Variants in HYDIN observed in about 807,000 individuals in gnomAD.
The protein encoded by HYDIN is HYDIN axonemal central pair apparatus protein, also known as axonemal central pair apparatus protein HYDIN.
In HYDIN, 132 loss-of-function variants were observed where a neutral mutation model predicts 403.9. The ratio of observed to expected loss-of-function variants is 0.33; its 90% confidence interval spans 0.28 to 0.38. The LOEUF is 0.38. Among genes scored for constraint, HYDIN ranks in the 10% least tolerant of loss-of-function variants. The pLI, the probability that HYDIN is intolerant of heterozygous loss-of-function variation, is 1.00. For synonymous variants in HYDIN, 1,202 were observed against 1,891.7 expected (o/e 0.64, Z 9.46); for missense variants, 2,827 against 5,009.5 (o/e 0.56, Z 13.15).
At chr16:71,029,833 T>C (rs576069197) in intron 19 of HYDIN, among the ~76,000 whole-genome samples, 23 of 152,056 alleles carry the variant, frequency 1.5e-4, no homozygotes, top group Non-Finnish European at 2.4e-4. Context: ...TTAATGTCAG[T>C]CACATCTCCA....
intron 7 of HYDIN, among the ~76,000 whole-genome samples, chr16:71,150,918 G>A (rs1246093739): frequency 6.6e-6 from 1 of 152,138 alleles, no homozygotes; most frequent in African/African-American, 2.4e-5. Context: ...AAAGATAAAT[G>A]AATGGCCAGT....
intron 83 of HYDIN, among the ~76,000 whole-genome samples, chr16:70,819,057 G>A (rs2036049944): frequency 6.6e-6 from 1 of 150,594 alleles, no homozygotes; most frequent in African/African-American, 2.5e-5. Flanking sequence ...TGGGATTACA[G>A]GCGCCTGCCA....
chr16:71,124,412 C>A (rs1359538039), intron 9 of HYDIN, among the ~76,000 whole-genome samples: 1 of 152,184 alleles, frequency 6.6e-6, no homozygotes, highest in African/African-American at 2.4e-5. Flanking sequence ...ATCATCGCCT[C>A]TTGGCAACTT....
In HYDIN at chr16:70,964,902, C is replaced by T. The variant is rs1168929424; in HGVS notation, c.5620-6G>A. On this transcript the variant is annotated splice_polypyrimidine_tract_variant and splice_region_variant and intron_variant, in intron 36 of 85. Coordinates refer to ENST00000393567, the MANE Select transcript of HYDIN (RefSeq NM_001270974.2). ...CCCTTCAGCTTCCGCAAGATCTGCT[C>T]GAGGGGAGAAAGAGAATCCTGTTGG... is the stretch of plus-strand genomic sequence containing the variant. 50 of 1,613,554 alleles carry T rather than the reference C, an allele frequency of 3.1e-5. No individual in the cohort carries two copies. Among genetic ancestry groups the T allele is most frequent in the African/African-American group, 5.3e-5 (4 of 74,950 alleles).
intron 1 of HYDIN, among the ~76,000 whole-genome samples, chr16:71,192,415 T>G (rs931717896): frequency 2.0e-5 from 3 of 151,974 alleles, no homozygotes; most frequent in East Asian, 1.9e-4. Context: ...TCATGCCATT[T>G]CTCTGCCTAA....
intron 10 of HYDIN, among the ~76,000 whole-genome samples, chr16:71,107,584 C>G (rs1462172474): frequency 2.0e-5 from 3 of 152,036 alleles, no homozygotes. Flanking sequence ...CTCAATATCA[C>G]TGATCATTAG....
chr16:71,109,803 G>A (rs1207270215), intron 10 of HYDIN, among the ~76,000 whole-genome samples: 1 of 117,222 alleles, frequency 8.5e-6, no homozygotes, highest in East Asian at 2.3e-4. Flanking sequence ...TTGTGTAATG[G>A]TTGGGAACCT....
chr16:71,190,417 T>G (rs1256826964), intron 1 of HYDIN, among the ~76,000 whole-genome samples: 1 of 151,812 alleles, frequency 6.6e-6, no homozygotes, highest in African/African-American at 2.4e-5. Context: ...AAAAAATAAT[T>G]GGTCACCTTT....
At chr16:71,007,179 A>G (rs1350773945) in intron 23 of HYDIN, among the ~76,000 whole-genome samples, 1 of 151,868 alleles carries the variant, frequency 6.6e-6, no homozygotes, top group African/African-American at 2.4e-5. Context: ...AACAGCTGCC[A>G]TGTAAATCAG....
intron 75 of HYDIN, among the ~76,000 whole-genome samples, chr16:70,841,753 A>G (rs1437443710): frequency 6.6e-6 from 1 of 151,576 alleles, no homozygotes; most frequent in Non-Finnish European, 1.5e-5. Flanking sequence ...TCCCGTAACC[A>G]TTGCCCTTTC....
chr16:71,227,028 C>T (rs185132833), intron 1 of HYDIN, among the ~76,000 whole-genome samples: 1 of 152,204 alleles, frequency 6.6e-6, no homozygotes, highest in African/African-American at 2.4e-5. Flanking sequence ...CTAGATCAAA[C>T]CCCTGGCATT....
chr16:71,008,454 G>A (rs1392614494), intron 23 of HYDIN, among the ~76,000 whole-genome samples: 1 of 152,180 alleles, frequency 6.6e-6, no homozygotes, highest in South Asian at 2.1e-4. Context: ...CTCAATCATA[G>A]TTACTGCTAT....
chr16:71,165,900 GC>G (rs71389632), intron 5 of HYDIN, among the ~76,000 whole-genome samples: 49,111 of 143,432 alleles, frequency 0.34, 8,686 homozygotes, highest in East Asian at 0.56. Flanking sequence ...TAGACACATG[GC>G]CAACAGGTTG....
chr16:71,069,635 C>T (rs6499429), intron 13 of HYDIN, 133 bp from the exon 14 acceptor site: 13,632 of 637,126 alleles, frequency 0.021, 1,068 homozygotes, highest in African/African-American at 0.21. Flanking sequence ...CTCCAACTTG[C>T]CCTAAATATT....
In HYDIN at chr16:70,818,335, G is replaced by A. The variant is rs1259248722; in HGVS notation, c.14658+7C>T. On this transcript the variant is annotated splice_region_variant and intron_variant, in intron 84 of 85. Transcript: ENST00000393567. Reference sequence around the variant, plus strand: ...TCAGGGAGCCCCCGACAGCCAAGGGGCCGTACCTCGGAGTTGGCAGGCACC... The same window carrying A: ...TCAGGGAGCCCCCGACAGCCAAGGGACCGTACCTCGGAGTTGGCAGGCACC... 3 of 1,607,854 alleles carry A rather than the reference G, an allele frequency of 1.9e-6. No individual in the cohort carries two copies. The highest frequency in any genetic ancestry group is 2.6e-6 in the Non-Finnish European group (3 of 1,176,214).
At chr16:70,942,808 T>A (rs1237256143) in intron 42 of HYDIN, among the ~76,000 whole-genome samples, 2 of 152,224 alleles carry the variant, frequency 1.3e-5, no homozygotes, top group African/African-American at 2.4e-5. Context: ...GCTCCACGTG[T>A]CATCAGAGAC....
At chr16:71,037,398 G>A (rs1051224447) in intron 18 of HYDIN, among the ~76,000 whole-genome samples, 2 of 151,874 alleles carry the variant, frequency 1.3e-5, no homozygotes, top group Admixed American at 1.3e-4. Flanking sequence ...CTATGGGGTT[G>A]TGACAGGCAG....
chr16:70,846,127 T>C lies in HYDIN; in HGVS notation c.12873+3599A>G, dbSNP rs1403502765. ...CTTGCTTTTCTAGTTCTTTTAATTG[T>C]GATGTTAGGGTGTCAATTTTGGATC... On this transcript the variant is annotated intron_variant, in intron 75 of 85. Transcript: ENST00000393567. Among the ~76,000 whole-genome samples, 65 of 148,788 alleles carry C rather than the reference T, an allele frequency of 4.4e-4. 1 individual carries two copies. The highest frequency in any genetic ancestry group is 1.5e-3 in the Admixed American group (22 of 14,952).
At chr16:71,178,434 A>ATATATAT (rs56194693) in intron 4 of HYDIN, among the ~76,000 whole-genome samples, 59 of 94,542 alleles carry the variant, frequency 6.2e-4, no homozygotes, top group African/African-American at 2.6e-3. Flanking sequence ...AAAAAAAAAA[A>ATATATAT]ATATATATAT....
Sources: allele counts gnomAD v4.1 joint callset (sites outside exome capture counted in the v4.1 genomes callset), GRCh38; gene constraint gnomAD v4.1.1; transcripts MANE v1.5; gene names NCBI Gene and HGNC (gene_info 2026-07-23, HGNC 2026-07-21).